RAP1B: variants seen among roughly 807,000 people sequenced by gnomAD.
RAP1B encodes RAP1B, member of RAS oncogene family.
A neutral mutation model predicts 27.5 loss-of-function variants in RAP1B; 1 was observed. The ratio of observed to expected loss-of-function variants is 0.04; its 90% CI spans 0.01 to 0.17. The LOEUF is 0.17. Ranked by LOEUF, RAP1B falls within the 10% of genes least tolerant of loss-of-function variation. The probability of loss-of-function intolerance (pLI) is 1.00; values close to 1 mark genes in which losing one functional copy is unlikely to be tolerated. For missense variants in RAP1B, 84 were observed against 214.8 expected, an observed-to-expected ratio of 0.39 and a Z score of 3.81; for synonymous variants, 75 against 73.1, an observed-to-expected ratio of 1.03 and a Z score of -0.13.
chr12:68,632,122 T>C (rs978683345), intron 1 of RAP1B, among the ~76,000 whole-genome samples: 1 of 148,930 alleles, frequency 6.7e-6, no homozygotes, highest in Non-Finnish European at 1.5e-5. Flanking sequence ...TTTTGGGTTT[T>C]GGATTTGTTT....
At position 68,610,987 on chromosome 12, in the gene RAP1B, G is replaced by C. The variant is rs1432673047; in HGVS notation, c.-83G>C. ...GGACCGCCGTGGCGCCTAGAGTAGC[G>C]ACCCGGGGGGAGCGCGGGGCGACGC... is the stretch of plus-strand genomic sequence containing the variant. On this transcript the variant is annotated 5_prime_UTR_variant, in exon 1 of 8. Coordinates refer to ENST00000250559, the MANE Select transcript of RAP1B (RefSeq NM_001010942.3). 3 of 321,884 alleles carry C rather than the reference G, an allele frequency of 9.3e-6. No homozygotes were observed. The highest frequency in any genetic ancestry group is 6.6e-5 in the African/African-American group (3 of 45,458). The allele number at this position is 321,884 out of a possible 1,614,324, so 19.9% of individuals were successfully genotyped here.
At chr12:68,616,033 C>T (rs977847284) in intron 1 of RAP1B, among the ~76,000 whole-genome samples, 3 of 149,080 alleles carry the variant, frequency 2.0e-5, no homozygotes, top group East Asian at 2.0e-4. Context: ...GCACGGTCTC[C>T]GCTCACTGCA....
chr12:68,632,160 T>TTTC (rs150063055), intron 1 of RAP1B, among the ~76,000 whole-genome samples: 30 of 144,808 alleles, frequency 2.1e-4, no homozygotes, highest in East Asian at 8.3e-4. Context: ...GTTTTTTTTT[T>TTTC]CCAGACTGTT....
intron 1 of RAP1B, among the ~76,000 whole-genome samples, chr12:68,626,158 A>G (rs890766023): frequency 6.6e-6 from 1 of 152,190 alleles, no homozygotes; most frequent in Non-Finnish European, 1.5e-5. Context: ...GTGGTTTGCA[A>G]AAGCACCACC....
chr12:68,630,384 G>A (rs1019256011), intron 1 of RAP1B, among the ~76,000 whole-genome samples: 4 of 152,098 alleles, frequency 2.6e-5, no homozygotes, highest in Non-Finnish European at 5.9e-5. Flanking sequence ...TTATGAGTGT[G>A]ACTGTGTTCC....
At chr12:68,620,437 G>A (rs1259446462) in intron 1 of RAP1B, among the ~76,000 whole-genome samples, 9 of 151,850 alleles carry the variant, frequency 5.9e-5, no homozygotes, top group Admixed American at 5.9e-4. Flanking sequence ...TGGCCAGGCT[G>A]GTCCCGAACT....
chr12:68,648,563 T>TTA, intron 1 of RAP1B, 136 bp from the exon 2 acceptor site: 1 of 673,948 alleles, frequency 1.5e-6, no homozygotes, highest in Non-Finnish European at 2.5e-6. Flanking sequence ...ATAAGTCTGC[T>TTA]TATAGGGTGC....
intron 1 of RAP1B, among the ~76,000 whole-genome samples, chr12:68,619,416 G>T (rs1871242737): frequency 6.6e-6 from 1 of 152,184 alleles, no homozygotes; most frequent in African/African-American, 2.4e-5. Context: ...AACTGAGTCA[G>T]TATTTCCAAA....
At chr12:68,626,456 C>CT (rs1225472880) in intron 1 of RAP1B, among the ~76,000 whole-genome samples, 8 of 152,112 alleles carry the variant, frequency 5.3e-5, no homozygotes, top group Non-Finnish European at 1.2e-4. Flanking sequence ...TTGATGGTAT[C>CT]TTTAAATTTT....
At chr12:68,647,376 CTCCACT>C (rs1565670465) in intron 1 of RAP1B, among the ~76,000 whole-genome samples, 2 of 22,262 alleles carry the variant, frequency 9.0e-5, no homozygotes, top group African/African-American at 1.9e-4. Context: ...CTGCCCCCCA[CTCCACT>C]CCCCGCCCCC....
intron 1 of RAP1B, among the ~76,000 whole-genome samples, chr12:68,628,349 C>G (rs1207547771): frequency 5.9e-5 from 9 of 152,198 alleles, no homozygotes; most frequent in African/African-American, 2.2e-4. Context: ...CAGCAGTTTC[C>G]TCACCTGGCC....
chr12:68,653,065 C>T (rs919284067), intron 4 of RAP1B, among the ~76,000 whole-genome samples: 4 of 151,804 alleles, frequency 2.6e-5, no homozygotes, highest in South Asian at 2.1e-4. Context: ...AAAAATTAGC[C>T]AGGTGCAGTG....
rs150989413 is a variant in RAP1B, at chr12:68,663,520, A to G, written c.*4271A>G. 1.5e-3 allele frequency: 225 copies of G among 152,372 alleles called. 1 individual carries two copies. Among genetic ancestry groups the G allele is most frequent in the African/African-American group, 5.0e-3 (209 of 41,588 alleles). 9.4% of individuals were successfully genotyped at this position (152,372 alleles called of 1,614,324 possible). ...ACAAGACTACTAAACAGATTAATCA[A>G]CTAATTCCATAGGCTTGACATTAGT... On this transcript the variant is annotated 3_prime_UTR_variant, in exon 8 of 8. Coordinates refer to ENST00000250559, the MANE Select transcript of RAP1B (RefSeq NM_001010942.3).
chr12:68,632,107 C>A, intron 1 of RAP1B, among the ~76,000 whole-genome samples: 3 of 143,870 alleles, frequency 2.1e-5, no homozygotes, highest in South Asian at 2.2e-4. Flanking sequence ...ATGAAGGAAA[C>A]AGTTTTTTGG....
chr12:68,630,921 A>T (rs1333007205), intron 1 of RAP1B, among the ~76,000 whole-genome samples: 2 of 151,554 alleles, frequency 1.3e-5, no homozygotes, highest in African/African-American at 4.8e-5. Context: ...CACCGCATCC[A>T]GCCTGAATTT....
chr12:68,646,376 A>G (rs1234185428), intron 1 of RAP1B, among the ~76,000 whole-genome samples: 1 of 148,974 alleles, frequency 6.7e-6, no homozygotes, highest in African/African-American at 2.5e-5. Flanking sequence ...GCTTACTGCA[A>G]CCTCCACTTC....
Position 68,660,503 on chromosome 12 carries a change from T to C in RAP1B, c.*1254T>C, listed in dbSNP as rs1036892246. ...GTAGTTCAATAAATTTGGATTGCCA[T>C]GCAAGGGCTTGCATTATAATTACTT... On this transcript the variant is annotated 3_prime_UTR_variant, in exon 8 of 8. Coordinates refer to ENST00000250559, the MANE Select transcript of RAP1B (RefSeq NM_001010942.3). 6.5e-6 allele frequency: 1 copy of C among 152,676 alleles called. No individual in the cohort carries two copies. The highest frequency in any genetic ancestry group is 1.5e-5 in the Non-Finnish European group (1 of 68,028). 9.5% of individuals were successfully genotyped at this position (152,676 alleles called of 1,614,324 possible).
At position 68,666,181 on chromosome 12, in the gene RAP1B, A is replaced by G. The variant is rs2135981437; in HGVS notation, c.*6932A>G. 1 of 152,300 alleles carries G rather than the reference A, an allele frequency of 6.6e-6. No homozygotes were observed. The highest frequency in any genetic ancestry group is 2.4e-5 in the African/African-American group (1 of 41,558). The allele number at this position is 152,300 out of a possible 1,614,324, so 9.4% of individuals were successfully genotyped here. A position where few individuals can be genotyped will look rare whatever the true frequency, so the allele number is the denominator to read the frequency against. ...TCTTTCAAATATATGCCTTTGCAGT[A>G]TTTCTCTACTTCCCCAGTAATGTAA... On this transcript the variant is annotated 3_prime_UTR_variant, in exon 8 of 8. Coordinates refer to ENST00000250559, the MANE Select transcript of RAP1B (RefSeq NM_001010942.3).
At chr12:68,637,369 G>A (rs1475613803) in intron 1 of RAP1B, among the ~76,000 whole-genome samples, 2 of 152,010 alleles carry the variant, frequency 1.3e-5, no homozygotes, top group Non-Finnish European at 1.5e-5. Flanking sequence ...AGGCCCAGGC[G>A]GGTGGATCAC....
Sources: gnomAD v4.1 joint callset for allele counts (sites outside exome capture counted in the v4.1 genomes callset) on GRCh38, gnomAD v4.1.1 for gene constraint, MANE v1.5 for transcripts, NCBI Gene and HGNC (gene_info 2026-07-23, HGNC 2026-07-21) for gene names.